ROBO1: variants seen among roughly 807,000 people sequenced by gnomAD.
ROBO1 encodes the protein roundabout guidance receptor 1.
In ROBO1, 149 loss-of-function variants were observed where a neutral mutation model predicts 195.9. The observed-to-expected ratio is 0.76, with a 90% CI of 0.67 to 0.87. ROBO1 has a LOEUF of 0.87. Among genes scored for constraint, ROBO1 ranks in the 40% least tolerant of loss-of-function variants. The pLI, the probability that ROBO1 is intolerant of heterozygous loss-of-function variation, is 0.00. For synonymous variants in ROBO1, 816 were observed against 733.2 expected, an observed-to-expected ratio of 1.11 and a Z score of -1.82; for missense variants, 1,933 against 2,068.3, an observed-to-expected ratio of 0.93 and a Z score of 1.27.
intron 4 of ROBO1, among the ~76,000 whole-genome samples, chr3:78,867,199 T>C (rs2035235615): frequency 6.6e-6 from 1 of 152,226 alleles, no homozygotes; most frequent in Non-Finnish European, 1.5e-5. Flanking sequence ...GTTCCATTCC[T>C]GTGCATTCTT....
intron 1 of ROBO1, among the ~76,000 whole-genome samples, chr3:79,616,423 G>C (rs993488156): frequency 2.0e-5 from 3 of 152,186 alleles, no homozygotes; most frequent in Non-Finnish European, 4.4e-5. Flanking sequence ...GGAGATGGTT[G>C]CTCTCAGGAG....
intron 3 of ROBO1, among the ~76,000 whole-genome samples, chr3:79,110,066 AGGAAAATTGCTTTAATCTCTTTCTCACTC>A (rs2079857683): frequency 1.3e-5 from 2 of 152,054 alleles, no homozygotes; most frequent in South Asian, 4.1e-4. Context: ...GTGTCAAATT[AGGAAAATTGCTTTAATCTCTTTCTCACTC>A]GGTCCCTTCA....
At chr3:79,480,766 G>A (rs190416493) in intron 2 of ROBO1, among the ~76,000 whole-genome samples, 73 of 152,088 alleles carry the variant, frequency 4.8e-4, no homozygotes, top group African/African-American at 1.7e-3. Context: ...TTATGTGTGG[G>A]GATATTATCA....
intron 3 of ROBO1, among the ~76,000 whole-genome samples, chr3:78,955,171 T>C (rs994174893): frequency 2.0e-5 from 3 of 150,910 alleles, no homozygotes; most frequent in Non-Finnish European, 4.4e-5. Context: ...CATGGGGTTA[T>C]ATAGGTAAAC....
intron 3 of ROBO1, among the ~76,000 whole-genome samples, chr3:79,056,845 T>G (rs1411557937): frequency 2.0e-5 from 3 of 152,110 alleles, no homozygotes; most frequent in Non-Finnish European, 4.4e-5. Flanking sequence ...TGGTGTTTTC[T>G]TCCTCATTCT....
intron 3 of ROBO1, among the ~76,000 whole-genome samples, chr3:79,112,462 C>A (rs2079904279): frequency 1.3e-5 from 2 of 152,096 alleles, no homozygotes; most frequent in Admixed American, 1.3e-4. Flanking sequence ...ATGGTCGTAG[C>A]TAACGATCAG....
chr3:79,222,653 ATTTG>A (rs1023243245), intron 2 of ROBO1, among the ~76,000 whole-genome samples: 3 of 151,776 alleles, frequency 2.0e-5, no homozygotes, highest in African/African-American at 4.8e-5. Flanking sequence ...ACATATTCCC[ATTTG>A]TTTATTATCA....
At chr3:79,720,839 C>T (rs372605667) in intron 1 of ROBO1, among the ~76,000 whole-genome samples, 24 of 148,456 alleles carry the variant, frequency 1.6e-4, no homozygotes, top group East Asian at 1.4e-3. Context: ...GTTGCCCAGG[C>T]TGGAGTGCAG....
chr3:79,541,822 T>C (rs1196168282), intron 2 of ROBO1, among the ~76,000 whole-genome samples: 1 of 100,852 alleles, frequency 9.9e-6, no homozygotes, highest in African/African-American at 3.8e-5. Context: ...TGTGTGTGTG[T>C]GTGTGTGTAT....
At chr3:79,232,924 T>C (rs2082345455) in intron 2 of ROBO1, among the ~76,000 whole-genome samples, 1 of 152,066 alleles carries the variant, frequency 6.6e-6, no homozygotes, top group Non-Finnish European at 1.5e-5. Context: ...CAGTAGAGCA[T>C]TGAAGTTATG....
At chr3:79,306,176 T>C (rs2033208413) in intron 2 of ROBO1, among the ~76,000 whole-genome samples, 1 of 152,204 alleles carries the variant, frequency 6.6e-6, no homozygotes, top group Non-Finnish European at 1.5e-5. Context: ...ATTTTACTAA[T>C]ACAGCATTTT....
intron 2 of ROBO1, among the ~76,000 whole-genome samples, chr3:79,453,388 T>G (rs1375630296): frequency 6.6e-6 from 1 of 152,078 alleles, no homozygotes; most frequent in Non-Finnish European, 1.5e-5. Context: ...GTGATGCTTG[T>G]CAAACAGTGG....
intron 3 of ROBO1, among the ~76,000 whole-genome samples, chr3:79,011,693 CATAAT>C (rs1056067687): frequency 2.0e-5 from 3 of 148,364 alleles, no homozygotes; most frequent in South Asian, 2.1e-4. Flanking sequence ...ATATGTTTTT[CATAAT>C]ATATTATATA....
At chr3:78,808,441 G>A (rs2084620306) in intron 4 of ROBO1, among the ~76,000 whole-genome samples, 1 of 152,058 alleles carries the variant, frequency 6.6e-6, no homozygotes, top group African/African-American at 2.4e-5. Context: ...CTGAACTCGT[G>A]ATCCACCCAC....
intron 2 of ROBO1, among the ~76,000 whole-genome samples, chr3:79,136,398 G>T (rs1299440196): frequency 6.6e-6 from 1 of 152,068 alleles, no homozygotes; most frequent in African/African-American, 2.4e-5. Flanking sequence ...TTTCTTTATA[G>T]ATTTGCATTA....
chr3:79,305,945 T>C (rs929799466), intron 2 of ROBO1, among the ~76,000 whole-genome samples: 2 of 152,108 alleles, frequency 1.3e-5, no homozygotes, highest in Non-Finnish European at 2.9e-5. Context: ...AGGATAGCCA[T>C]GGAAAGAGAG....
chr3:78,688,619 A>T lies in ROBO1; in HGVS notation c.1170+29T>A, dbSNP rs781234002. ...TCTTGGCAACCATCTTTGCTGATTTAAAAAAAAAAAGTTAGAAAAAGGTGG... is the reference window on the plus strand; with the variant it reads ...TCTTGGCAACCATCTTTGCTGATTTTAAAAAAAAAAGTTAGAAAAAGGTGG... On this transcript the variant is annotated intron_variant, in intron 9 of 30. Transcript: ENST00000464233. 434 of 837,026 alleles carry T rather than the reference A, an allele frequency of 5.2e-4. No individual in the cohort carries two copies. In the Middle Eastern group the frequency reaches 5.5e-3, roughly 11 times the overall value. 51.8% of individuals were successfully genotyped at this position (837,026 alleles called of 1,614,324 possible).
At chr3:78,653,097 T>C (rs1425229228) in intron 18 of ROBO1, among the ~76,000 whole-genome samples, 1 of 152,200 alleles carries the variant, frequency 6.6e-6, no homozygotes, top group Non-Finnish European at 1.5e-5. Context: ...CTGATACATA[T>C]TGTCGTCATG....
chr3:79,575,095 A>C (rs1366031784), intron 2 of ROBO1, among the ~76,000 whole-genome samples: 2 of 138,306 alleles, frequency 1.4e-5, no homozygotes, highest in East Asian at 4.1e-4. Context: ...AGGAAATGAA[A>C]ACAAATATAT....
Sources: gnomAD v4.1 joint callset for allele counts (sites outside exome capture counted in the v4.1 genomes callset) on GRCh38, gnomAD v4.1.1 for gene constraint, MANE v1.5 for transcripts, NCBI Gene and HGNC (gene_info 2026-07-23, HGNC 2026-07-21) for gene names.